Variants in DLC1 observed in about 807,000 individuals in gnomAD.
DLC1 encodes rho GTPase-activating protein 7.
A neutral mutation model predicts 140.3 loss-of-function variants in DLC1; 54 were observed. That is an observed-to-expected ratio of 0.38 (90% CI 0.31 to 0.48). The LOEUF (loss-of-function observed/expected upper bound fraction) is 0.48. DLC1 is among the 20% of genes least tolerant of loss of function. DLC1 has a pLI of 0.96. For missense variants in DLC1, 2,536 were observed against 1,907.0 expected (o/e 1.33, Z -6.14); for synonymous variants, 986 against 728.1 (o/e 1.35, Z -5.70).
At chr8:13,228,478 C>A (rs1398445547) in intron 5 of DLC1, among the ~76,000 whole-genome samples, 2 of 152,086 alleles carry the variant, frequency 1.3e-5, no homozygotes, top group Non-Finnish European at 2.9e-5. Context: ...CGTGATGGCT[C>A]ACATTTGTAA....
At chr8:13,096,586 G>T (rs539041732) in intron 10 of DLC1, among the ~76,000 whole-genome samples, 1 of 152,170 alleles carries the variant, frequency 6.6e-6, no homozygotes, top group African/African-American at 2.4e-5. Flanking sequence ...GATCCCCACC[G>T]AGAATCTGAA....
intron 15 of DLC1, among the ~76,000 whole-genome samples, chr8:13,089,882 G>A (rs1188467261): frequency 6.6e-6 from 1 of 152,178 alleles, no homozygotes. Flanking sequence ...CAGTAACTAA[G>A]AACAGAGAAG....
At chr8:13,154,939 T>C (rs772553248) in intron 5 of DLC1, among the ~76,000 whole-genome samples, 1 of 152,212 alleles carries the variant, frequency 6.6e-6, no homozygotes, top group African/African-American at 2.4e-5. Flanking sequence ...CTTATGTTTT[T>C]AAAATTCAAA....
intron 4 of DLC1, among the ~76,000 whole-genome samples, chr8:13,360,397 G>C (rs898067739): frequency 2.0e-5 from 3 of 152,066 alleles, no homozygotes; most frequent in African/African-American, 7.2e-5. Context: ...AGCCCCCCAC[G>C]AGATTATCAC....
At chr8:13,345,803 C>G (rs1277413202) in intron 4 of DLC1, among the ~76,000 whole-genome samples, 1 of 152,132 alleles carries the variant, frequency 6.6e-6, no homozygotes. Context: ...AAGTGATCCA[C>G]TCTCTGTGGC....
intron 2 of DLC1, among the ~76,000 whole-genome samples, chr8:13,439,201 G>C (rs974533362): frequency 6.6e-6 from 1 of 152,290 alleles, no homozygotes; most frequent in Non-Finnish European, 1.5e-5. Context: ...GTGTGCACCT[G>C]TGGTCCTAGG....
At chr8:13,178,615 A>G (rs1367642448) in intron 5 of DLC1, among the ~76,000 whole-genome samples, 2 of 150,270 alleles carry the variant, frequency 1.3e-5, no homozygotes, top group Admixed American at 6.7e-5. Flanking sequence ...ATTAACTTCT[A>G]TACATCCAAA....
chr8:13,533,457 G>A (rs1047947431), intron 1 of DLC1, among the ~76,000 whole-genome samples: 5 of 152,204 alleles, frequency 3.3e-5, no homozygotes, highest in African/African-American at 1.2e-4. Flanking sequence ...ATGAGTGGGA[G>A]GGACTCAATA....
chr8:13,542,278 A>T (rs909304816), intron 1 of DLC1, among the ~76,000 whole-genome samples: 7 of 152,050 alleles, frequency 4.6e-5, no homozygotes, highest in African/African-American at 7.2e-5. Flanking sequence ...GTATGTACAA[A>T]TTTTCCAGTA....
At chr8:13,567,129 C>T (rs1804466696) in intron 1 of DLC1, 2 of 1,551,738 alleles carry the variant, frequency 1.3e-6, no homozygotes, top group Non-Finnish European at 1.7e-6. Flanking sequence ...GACGGCAGTC[C>T]TCGCCCCTGA....
intron 5 of DLC1, chr8:13,214,834 G>A (rs1468001781): frequency 2.6e-6 from 2 of 763,212 alleles, no homozygotes; most frequent in Admixed American, 1.7e-5. Flanking sequence ...GAGTGCTGGT[G>A]GCAATCAATG....
At chr8:13,347,361 A>G (rs1214041098) in intron 4 of DLC1, among the ~76,000 whole-genome samples, 4 of 152,214 alleles carry the variant, frequency 2.6e-5, no homozygotes, top group African/African-American at 4.8e-5. Flanking sequence ...GCCACCTGAC[A>G]CAGAGAGCCC....
chr8:13,571,335 C>G (rs951882495), intron 1 of DLC1, among the ~76,000 whole-genome samples: 1 of 152,136 alleles, frequency 6.6e-6, no homozygotes, highest in South Asian at 2.1e-4. Context: ...TCACCTCAAA[C>G]AGAAACTCAA....
intron 1 of DLC1, among the ~76,000 whole-genome samples, chr8:13,546,886 T>C (rs934208012): frequency 1.3e-5 from 2 of 152,138 alleles, no homozygotes; most frequent in African/African-American, 4.8e-5. Flanking sequence ...ATCCTACATT[T>C]CCTGAAGTAG....
chr8:13,438,541 G>A (rs1251615922), intron 2 of DLC1, among the ~76,000 whole-genome samples: 1 of 152,084 alleles, frequency 6.6e-6, no homozygotes, highest in African/African-American at 2.4e-5. Flanking sequence ...CTGTAGCTGA[G>A]AAGTTGTTGC....
At chr8:13,351,110 A>G (rs1236441751) in intron 4 of DLC1, among the ~76,000 whole-genome samples, 8 of 152,170 alleles carry the variant, frequency 5.3e-5, no homozygotes, top group Admixed American at 3.9e-4. Context: ...TGGTTTGTAA[A>G]TTGGCTTCAA....
At chr8:13,405,891 T>C (rs1180697866) in intron 2 of DLC1, among the ~76,000 whole-genome samples, 2 of 149,994 alleles carry the variant, frequency 1.3e-5, no homozygotes, top group African/African-American at 4.9e-5. Flanking sequence ...TTTCTTTTCT[T>C]TCTTTCTTTT....
rs181179942 is a variant in DLC1, at chr8:13,560,507, C to G, written c.-126+44030G>C. Among the ~76,000 whole-genome samples, 115 of 152,262 alleles carry G rather than the reference C, an allele frequency of 7.6e-4. 1 individual carries two copies. Among genetic ancestry groups the G allele is most frequent in the Non-Finnish European group, 2.5e-4 (17 of 68,022 alleles). On this transcript the variant is annotated intron_variant, in intron 1 of 1. Coordinates refer to the DLC1 transcript ENST00000631382. Reference sequence around the variant, plus strand: ...CTATTTAACGATTTTATTTTTCTCACTTAGAAAATCACCAGCAGTTTTCAT... The same window carrying G: ...CTATTTAACGATTTTATTTTTCTCAGTTAGAAAATCACCAGCAGTTTTCAT...
rs575606677 is a variant in DLC1 at position 13,192,399 on chromosome 8, A to G, written c.1349-76742T>C. ...AGTGAATATTGACTTAGAACGAGAA[A>G]AGAAATCACAGGAAGTTACCAGAGT... On this transcript the variant is annotated intron_variant, in intron 5 of 17. Transcript: ENST00000276297. 2.0e-5 allele frequency among the ~76,000 whole-genome samples: 3 copies of G among 152,332 alleles called. No homozygotes were observed. The South Asian group carries it at 6.2e-4, about 32-fold the overall frequency.
Sources: allele counts gnomAD v4.1 joint callset (sites outside exome capture counted in the v4.1 genomes callset), GRCh38; gene constraint gnomAD v4.1.1; transcripts MANE v1.5; gene names NCBI Gene and HGNC (gene_info 2026-07-23, HGNC 2026-07-21).